Variants in HCN1 observed in about 807,000 individuals in gnomAD.
HCN1 encodes the protein hyperpolarization activated cyclic nucleotide gated potassium channel 1.
HCN1 carries 13 observed loss-of-function variants against 78.9 expected under a neutral mutation model. The observed-to-expected ratio is 0.16, with a 90% CI of 0.11 to 0.26. The LOEUF (loss-of-function observed/expected upper bound fraction) is 0.26. Ranked by LOEUF, HCN1 falls within the 10% of genes least tolerant of loss-of-function variation. HCN1 has a pLI of 1.00. For synonymous variants in HCN1, 552 were observed against 455.5 expected, an observed-to-expected ratio of 1.21 and a Z score of -2.70; for missense variants, 810 against 1,154.3, an observed-to-expected ratio of 0.70 and a Z score of 4.32.
At chr5:45,529,507 G>T (rs892412066) in intron 2 of HCN1, among the ~76,000 whole-genome samples, 2 of 151,804 alleles carry the variant, frequency 1.3e-5, no homozygotes, top group Non-Finnish European at 2.9e-5. Context: ...AAAGTAATAA[G>T]GAAATATTGT....
chr5:45,492,804 A>T (rs1378454111), intron 2 of HCN1, among the ~76,000 whole-genome samples: 1 of 151,936 alleles, frequency 6.6e-6, no homozygotes. Flanking sequence ...TTACATTTTA[A>T]CACATTTCTT....
chr5:45,543,268 T>A (rs902934370), intron 2 of HCN1, among the ~76,000 whole-genome samples: 1 of 151,968 alleles, frequency 6.6e-6, no homozygotes, highest in Non-Finnish European at 1.5e-5. Flanking sequence ...CTTTCAGAAT[T>A]AGGAAAATTA....
chr5:45,442,845 G>A (rs915530418), intron 3 of HCN1, among the ~76,000 whole-genome samples: 4 of 152,036 alleles, frequency 2.6e-5, no homozygotes, highest in African/African-American at 4.8e-5. Flanking sequence ...AGGCATGTCA[G>A]TTTGCTATCA....
chr5:45,644,114 C>A (rs547315675), intron 2 of HCN1: 59 of 152,166 alleles, frequency 3.9e-4, no homozygotes, highest in African/African-American at 1.4e-3. Context: ...ACACTGCTAC[C>A]GCCTCACAGA....
At chr5:45,381,030 A>T (rs923151928) in intron 4 of HCN1, among the ~76,000 whole-genome samples, 1 of 152,094 alleles carries the variant, frequency 6.6e-6, no homozygotes, top group African/African-American at 2.4e-5. Flanking sequence ...AGTTGTTATG[A>T]TATTGCAAAG....
chr5:45,411,810 T>C (rs1740029351), intron 3 of HCN1, among the ~76,000 whole-genome samples: 1 of 152,084 alleles, frequency 6.6e-6, no homozygotes. Context: ...CAAATCCTAA[T>C]ATTACTTAAT....
At chr5:45,507,775 T>A (rs562495090) in intron 2 of HCN1, among the ~76,000 whole-genome samples, 2 of 152,238 alleles carry the variant, frequency 1.3e-5, no homozygotes, top group South Asian at 2.1e-4. Flanking sequence ...ACATGTTAGA[T>A]CAGTGTTTGG....
In HCN1 at chr5:45,300,624, C is replaced by T. The variant is rs567837317; in HGVS notation, c.1618+2975G>A. Among the ~76,000 whole-genome samples, 11 of 152,146 alleles carry T rather than the reference C, an allele frequency of 7.2e-5. No homozygotes were observed. In the South Asian group the frequency reaches 2.3e-3, roughly 32 times the overall value. Reference sequence around the variant, plus strand: ...TTTGTATTATTGTTAAGGCTTCCAGCCAACAGTAGGCTACTATTGTCAAGA... The same window carrying T: ...TTTGTATTATTGTTAAGGCTTCCAGTCAACAGTAGGCTACTATTGTCAAGA... On this transcript the variant is annotated intron_variant, in intron 6 of 7. Transcript: ENST00000303230.
At chr5:45,431,052 C>T (rs564762902) in intron 3 of HCN1, among the ~76,000 whole-genome samples, 14 of 152,222 alleles carry the variant, frequency 9.2e-5, no homozygotes, top group African/African-American at 3.1e-4. Context: ...AACTAAACTC[C>T]CAGCAGCAGT....
intron 3 of HCN1, among the ~76,000 whole-genome samples, chr5:45,403,851 A>G (rs1294317127): frequency 6.6e-6 from 1 of 152,196 alleles, no homozygotes; most frequent in Non-Finnish European, 1.5e-5. Context: ...CATGAGTACT[A>G]TTCTTACCAT....
In HCN1 at chr5:45,645,239, G is replaced by T. The variant is rs775887697; in HGVS notation, c.795C>A (p.Leu265=). ...RIVRFTKILS[L]LRLLRLSRLI... ...ACCTTGAAAGTCGTAATAAACGCAAGAGACTGAGAATTTTTGTAAACCTCA... is the reference window on the plus strand; with the variant it reads ...ACCTTGAAAGTCGTAATAAACGCAATAGACTGAGAATTTTTGTAAACCTCA... Residue 265 remains leucine (L), a synonymous_variant, in exon 2 of 8, where the codon CTC becomes CTA. Coordinates refer to ENST00000303230, the MANE Select transcript of HCN1 (RefSeq NM_021072.4). The T allele has an allele frequency of 3.1e-6, 5 of 1,613,466 alleles. No homozygotes were observed. In the African/African-American group the frequency reaches 6.7e-5, roughly 22 times the overall value.
At chr5:45,313,947 G>A (rs1489574072) in intron 5 of HCN1, among the ~76,000 whole-genome samples, 5 of 152,260 alleles carry the variant, frequency 3.3e-5, no homozygotes, top group African/African-American at 9.6e-5. Context: ...CACTCTGCAG[G>A]ATATTATCCA....
At chr5:45,452,180 A>G (rs1740932554) in intron 3 of HCN1, among the ~76,000 whole-genome samples, 1 of 151,990 alleles carries the variant, frequency 6.6e-6, no homozygotes, top group Non-Finnish European at 1.5e-5. Flanking sequence ...ATAACAGTCC[A>G]CAGCTAGGTG....
chr5:45,477,757 GCATAA>G (rs1741549104), intron 2 of HCN1, among the ~76,000 whole-genome samples: 1 of 151,892 alleles, frequency 6.6e-6, no homozygotes, highest in African/African-American at 2.4e-5. Context: ...AATGTAAAGG[GCATAA>G]CATGTCTCAC....
chr5:45,323,396 T>C (rs1358077821), intron 5 of HCN1, among the ~76,000 whole-genome samples: 1 of 151,902 alleles, frequency 6.6e-6, no homozygotes, highest in Non-Finnish European at 1.5e-5. Context: ...ATATAATTCC[T>C]ATTACATCTT....
intron 2 of HCN1, chr5:45,642,774 A>G (rs1745480084): frequency 2.6e-5 from 4 of 152,102 alleles, no homozygotes; most frequent in African/African-American, 7.2e-5. Context: ...CAGTTTTGGA[A>G]CCATTCAAGT....
chr5:45,623,013 A>C (rs1350884772), intron 2 of HCN1, among the ~76,000 whole-genome samples: 4 of 151,908 alleles, frequency 2.6e-5, no homozygotes, highest in African/African-American at 9.7e-5. Context: ...TTCTCTTCTC[A>C]ACTCCCCACT....
Position 45,255,644 on chromosome 5 carries a change from A to G in HCN1, c.*6277T>C, listed in dbSNP as rs902824879. ...TTAGGCAAACAAGATTTAATTTTGA[A>G]TGCTTGGAAACTAAGACCTTGAACA... On this transcript the variant is annotated 3_prime_UTR_variant, in exon 8 of 8. Coordinates refer to ENST00000303230, the MANE Select transcript of HCN1 (RefSeq NM_021072.4). 6.6e-6 allele frequency: 1 copy of G among 152,240 alleles called. No homozygotes were observed. The highest frequency in any genetic ancestry group is 1.5e-5 in the Non-Finnish European group (1 of 68,040). 9.4% of individuals were successfully genotyped at this position (152,240 alleles called of 1,614,324 possible). A position where few individuals can be genotyped will look rare whatever the true frequency, so the allele number is the denominator to read the frequency against.
chr5:45,333,432 T>TGA (rs1299814583), intron 5 of HCN1, among the ~76,000 whole-genome samples: 2 of 151,838 alleles, frequency 1.3e-5, no homozygotes, highest in Non-Finnish European at 2.9e-5. Context: ...TCTCCTATTC[T>TGA]GTGGATTGTC....
Sources: allele counts gnomAD v4.1 joint callset (sites outside exome capture counted in the v4.1 genomes callset), GRCh38; gene constraint gnomAD v4.1.1; transcripts MANE v1.5; gene names NCBI Gene and HGNC (gene_info 2026-07-23, HGNC 2026-07-21).